DLGAP1: variants seen among roughly 807,000 people sequenced by gnomAD.
DLGAP1 encodes DLG associated protein 1, also known as disks large-associated protein 1.
DLGAP1 carries 11 observed loss-of-function variants against 90.8 expected under a neutral mutation model. The observed-to-expected ratio is 0.12, with a 90% CI of 0.08 to 0.20. The LOEUF is 0.20. Ranked by LOEUF, DLGAP1 falls within the 10% of genes least tolerant of loss-of-function variation. The probability of loss-of-function intolerance (pLI) is 1.00; values close to 1 mark genes in which losing one functional copy is unlikely to be tolerated. For missense variants in DLGAP1, 1,050 were observed against 1,333.8 expected (o/e 0.79, Z 3.31); for synonymous variants, 558 against 540.7 (o/e 1.03, Z -0.44).
chr18:4,258,503 T>C (rs950521981), intron 1 of DLGAP1, among the ~76,000 whole-genome samples: 7 of 152,068 alleles, frequency 4.6e-5, no homozygotes, highest in Non-Finnish European at 1.0e-4. Flanking sequence ...AGCATCACTT[T>C]TACATACGTG....
chr18:3,984,579 G>A (rs1227812917), intron 3 of DLGAP1, among the ~76,000 whole-genome samples: 4 of 152,126 alleles, frequency 2.6e-5, no homozygotes, highest in Admixed American at 2.0e-4. Flanking sequence ...CGACTCTAAA[G>A]CCATCTTTAA....
At chr18:4,103,902 T>C (rs2075819606) in intron 2 of DLGAP1, among the ~76,000 whole-genome samples, 1 of 152,174 alleles carries the variant, frequency 6.6e-6, no homozygotes, top group Admixed American at 6.5e-5. Flanking sequence ...TGGCACTTTG[T>C]CCACATTTTT....
intron 4 of DLGAP1, among the ~76,000 whole-genome samples, chr18:3,867,143 C>T (rs1054633906): frequency 5.9e-5 from 9 of 152,154 alleles, no homozygotes; most frequent in Non-Finnish European, 1.0e-4. Context: ...TGAACCACTG[C>T]GCCCAGCCAG....
intron 3 of DLGAP1, among the ~76,000 whole-genome samples, chr18:3,894,963 G>A (rs966753821): frequency 1.3e-5 from 2 of 152,146 alleles, no homozygotes; most frequent in African/African-American, 2.4e-5. Context: ...TTATGTAAGG[G>A]AACTATACGA....
chr18:3,897,974 T>G (rs529224334), intron 3 of DLGAP1, among the ~76,000 whole-genome samples: 16 of 151,924 alleles, frequency 1.1e-4, no homozygotes, highest in East Asian at 5.8e-4. Context: ...TTTTGTATTT[T>G]TAGTAGAGAC....
chr18:3,880,429 G>T (rs1490875506), intron 3 of DLGAP1, among the ~76,000 whole-genome samples: 1 of 152,016 alleles, frequency 6.6e-6, no homozygotes, highest in Admixed American at 6.6e-5. Context: ...CTCCCACTTT[G>T]GCCTCCCTTA....
At chr18:4,431,520 G>A (rs190496742) in intron 1 of DLGAP1, among the ~76,000 whole-genome samples, 2 of 152,202 alleles carry the variant, frequency 1.3e-5, no homozygotes, top group East Asian at 1.9e-4. Context: ...GGTTTAAAAC[G>A]GGATCCTCTT....
chr18:3,522,911 C>T (rs980592287), intron 10 of DLGAP1, among the ~76,000 whole-genome samples: 2 of 152,040 alleles, frequency 1.3e-5, no homozygotes, highest in Non-Finnish European at 2.9e-5. Flanking sequence ...AAGTGTAGGA[C>T]CAGAAACCAC....
At chr18:3,754,334 A>G (rs2063624512) in intron 5 of DLGAP1, among the ~76,000 whole-genome samples, 1 of 152,142 alleles carries the variant, frequency 6.6e-6, no homozygotes, top group South Asian at 2.1e-4. Flanking sequence ...ATTACTTATA[A>G]TACTGAATAC....
rs35327176 is a variant in DLGAP1 at position 4,299,085 on chromosome 18, C to CAAA, written c.-266-147801_-266-147799dup. Among the ~76,000 whole-genome samples the CAAA allele has an allele frequency of 1.2e-3, 90 of 76,310 alleles. 1 individual carries two copies. Among genetic ancestry groups the CAAA allele is most frequent in the African/African-American group, 2.1e-3 (48 of 22,524 alleles). 50.1% of individuals were successfully genotyped at this position (76,310 alleles called of 152,430 possible). A position where few individuals can be genotyped will look rare whatever the true frequency, so the allele number is the denominator to read the frequency against. The stretch of plus-strand genomic sequence containing the variant: ...GACAGAGCGAGACTCTGTCTCAAGA[C>CAAA]AAAAAAAAAAAAAAAAAAAAAAAAA... On this transcript the variant is annotated intron_variant, in intron 1 of 12. Coordinates refer to ENST00000315677, the MANE Select transcript of DLGAP1 (RefSeq NM_004746.4).
chr18:4,043,261 G>A (rs1026631782), intron 2 of DLGAP1, among the ~76,000 whole-genome samples: 5 of 152,154 alleles, frequency 3.3e-5, no homozygotes, highest in African/African-American at 1.2e-4. Context: ...AGCCAGTCTG[G>A]CTGGACCTTA....
intron 5 of DLGAP1, among the ~76,000 whole-genome samples, chr18:3,807,380 C>T (rs1179433617): frequency 6.6e-6 from 1 of 152,160 alleles, no homozygotes; most frequent in African/African-American, 2.4e-5. Flanking sequence ...GGTTTCAACA[C>T]CTGGGCTCAA....
rs573612131 is a variant in DLGAP1, at chr18:4,141,307, A to T, written c.-159+9873T>A. On this transcript the variant is annotated intron_variant, in intron 2 of 12. Coordinates refer to ENST00000315677, the MANE Select transcript of DLGAP1 (RefSeq NM_004746.4). ...CAGAGACTAAGTAGGCACACCAAAG[A>T]TGGCTAATAAGGACATGTAGAAGTT... 2.0e-5 allele frequency among the ~76,000 whole-genome samples: 3 copies of T among 152,172 alleles called. No homozygotes were observed. In the South Asian group the frequency reaches 6.2e-4, roughly 32 times the overall value.
chr18:4,348,009 T>C (rs757109973), intron 1 of DLGAP1, among the ~76,000 whole-genome samples: 2 of 152,120 alleles, frequency 1.3e-5, no homozygotes, highest in Non-Finnish European at 2.9e-5. Flanking sequence ...TAATCCTTCA[T>C]GTACATTGCA....
chr18:3,872,872 G>C (rs2148806644), intron 4 of DLGAP1, among the ~76,000 whole-genome samples: 1 of 152,266 alleles, frequency 6.6e-6, no homozygotes, highest in South Asian at 2.1e-4. Flanking sequence ...GAGATCCAAG[G>C]CTAGTTTTTC....
At chr18:4,438,431 CAAAAAAAAAAA>C (rs11389361) in intron 1 of DLGAP1, among the ~76,000 whole-genome samples, 36 of 52,106 alleles carry the variant, frequency 6.9e-4, no homozygotes, top group African/African-American at 3.0e-3. Flanking sequence ...GACTCCATCT[CAAAAAAAAAAA>C]AAAAAAAAAA....
At chr18:3,714,128 A>C (rs2061682024) in intron 7 of DLGAP1, among the ~76,000 whole-genome samples, 1 of 152,228 alleles carries the variant, frequency 6.6e-6, no homozygotes, top group Admixed American at 6.5e-5. Context: ...TTTTTAAAAA[A>C]ACAATTTTGA....
At position 3,549,191 on chromosome 18, in the gene DLGAP1, A is replaced by G. The variant is rs572737870; in HGVS notation, c.2058-14576T>C. ...TGGCCCAATTATAGAGCAATTTTCT[A>G]CTTCAGAGGCAGCCACTTTTAAACA... On this transcript the variant is annotated intron_variant, in intron 9 of 12. Transcript: ENST00000315677. Among the ~76,000 whole-genome samples, 5 of 152,346 alleles carry G rather than the reference A, an allele frequency of 3.3e-5. No homozygotes were observed. The East Asian group carries it at 7.7e-4, about 24-fold the overall frequency.
At chr18:3,572,304 T>C (rs1024049660) in intron 8 of DLGAP1, among the ~76,000 whole-genome samples, 8 of 152,184 alleles carry the variant, frequency 5.3e-5, no homozygotes, top group African/African-American at 1.9e-4. Context: ...TTGCTTTGTG[T>C]CTTGGCCAGT....
Sources: gnomAD v4.1 joint callset for allele counts (sites outside exome capture counted in the v4.1 genomes callset) on GRCh38, gnomAD v4.1.1 for gene constraint, MANE v1.5 for transcripts, NCBI Gene and HGNC (gene_info 2026-07-23, HGNC 2026-07-21) for gene names.